SCEL: variants seen among roughly 807,000 people sequenced by gnomAD.
The protein encoded by SCEL is sciellin.
Under a neutral mutation model 117.6 loss-of-function variants are expected in SCEL, and 113 were observed. The observed-to-expected ratio is 0.96, with a 90% CI of 0.83 to 1.12. The LOEUF is 1.12. Among genes scored for constraint, SCEL ranks in the 50% most tolerant of loss-of-function variants. SCEL has a pLI of 0.00. For synonymous variants in SCEL, 270 were observed against 256.2 expected (o/e 1.05, Z -0.51); for missense variants, 785 against 810.8 (o/e 0.97, Z 0.39).
chr13:77,625,897 A>G (rs2089705556), intron 27 of SCEL, among the ~76,000 whole-genome samples: 1 of 152,192 alleles, frequency 6.6e-6, no homozygotes, highest in African/African-American at 2.4e-5. Flanking sequence ...ACAATTTAGG[A>G]CAGAAATAAA....
At chr13:77,541,674 A>G (rs1460425483) in intron 1 of SCEL, among the ~76,000 whole-genome samples, 3 of 152,234 alleles carry the variant, frequency 2.0e-5, no homozygotes, top group African/African-American at 7.2e-5. Flanking sequence ...AAACCCTGGA[A>G]GAAAATTACA....
At position 77,617,829 on chromosome 13, in the gene SCEL, A is replaced by C; in HGVS notation, c.1538A>C (p.Lys513Thr). 1.2e-6 allele frequency: 2 copies of C among 1,611,692 alleles called. No homozygotes were observed. Among genetic ancestry groups the C allele is most frequent in the Non-Finnish European group, 8.5e-7 (1 of 1,178,566 alleles). The change falls in exon 26 of 33, where the codon AAA becomes ACA. Residue 513 changes from lysine to threonine, a missense_variant. Transcript: ENST00000349847. ...AACCAAGATCTTGCTAACCTCATCA[A>C]AGTAAATCCTGCAGTAATCAGAAAC... is the stretch of plus-strand genomic sequence containing the variant. ...QRNQDLANLI[K>T]VNPAVIRNNQ...
intron 1 of SCEL, among the ~76,000 whole-genome samples, chr13:77,544,632 G>A (rs899481900): frequency 1.3e-5 from 2 of 152,172 alleles, no homozygotes; most frequent in African/African-American, 4.8e-5. Flanking sequence ...TGGGCTGGTG[G>A]GAGGAGTGGC....
chr13:77,618,424 C>G (rs190862392), intron 27 of SCEL, among the ~76,000 whole-genome samples: 2 of 152,116 alleles, frequency 1.3e-5, no homozygotes, highest in Non-Finnish European at 2.9e-5. Flanking sequence ...TCAGGCAGTC[C>G]TCCTGCCTCA....
At chr13:77,641,275 C>T (rs2090546179) in intron 31 of SCEL, among the ~76,000 whole-genome samples, 1 of 152,120 alleles carries the variant, frequency 6.6e-6, no homozygotes, top group Non-Finnish European at 1.5e-5. Flanking sequence ...ACTAATAAAG[C>T]TTTTATTAGT....
At chr13:77,579,124 C>A (rs766217219) in intron 9 of SCEL, among the ~76,000 whole-genome samples, 2 of 152,132 alleles carry the variant, frequency 1.3e-5, no homozygotes, top group African/African-American at 4.8e-5. Flanking sequence ...ACCAACCCAT[C>A]CTTCAAGAAG....
rs555037830 is a variant in SCEL at position 77,539,684 on chromosome 13, A to G, written c.-20+3860A>G. 7.9e-4 allele frequency among the ~76,000 whole-genome samples: 120 copies of G among 152,068 alleles called. 1 individual carries two copies. The highest frequency in any genetic ancestry group is 3.4e-3 in the Middle Eastern group (1 of 294). The stretch of plus-strand genomic sequence containing the variant: ...CGAATAGCTGGGACTACAGGCGCCC[A>G]CCACCACGCCCAGCTGATTTTTTGT... On this transcript the variant is annotated intron_variant, in intron 1 of 32. Transcript: ENST00000349847.
In SCEL at chr13:77,644,821, C is replaced by T. The variant is rs2090716150; in HGVS notation, c.*547C>T. On this transcript the variant is annotated 3_prime_UTR_variant, in exon 33 of 33. Transcript: ENST00000349847. ...GATCTCTGTCCTATTATTTGTAACA[C>T]AAGGGGCATTGGATAAAATGATTTC... 2 of 152,482 alleles carry T rather than the reference C, an allele frequency of 1.3e-5. No homozygotes were observed. Among genetic ancestry groups the T allele is most frequent in the South Asian group, 2.1e-4 (1 of 4,852 alleles). 9.4% of individuals were successfully genotyped at this position (152,482 alleles called of 1,614,324 possible).
At chr13:77,622,568 G>A (rs1194725183) in intron 27 of SCEL, among the ~76,000 whole-genome samples, 1 of 152,122 alleles carries the variant, frequency 6.6e-6, no homozygotes, top group Non-Finnish European at 1.5e-5. Context: ...ATATTCTGCA[G>A]TCTACATTTT....
At chr13:77,624,655 A>G (rs982031584) in intron 27 of SCEL, among the ~76,000 whole-genome samples, 2 of 152,208 alleles carry the variant, frequency 1.3e-5, no homozygotes, top group East Asian at 1.9e-4. Flanking sequence ...GCAAAAAGGA[A>G]AGAAATATAA....
At chr13:77,543,929 C>G (rs1389191547) in intron 1 of SCEL, among the ~76,000 whole-genome samples, 1 of 152,168 alleles carries the variant, frequency 6.6e-6, no homozygotes, top group African/African-American at 2.4e-5. Flanking sequence ...CTCAGGCAAA[C>G]TACTCATCTT....
intron 27 of SCEL, among the ~76,000 whole-genome samples, chr13:77,620,702 T>G (rs764502997): frequency 6.6e-6 from 1 of 152,198 alleles, no homozygotes; most frequent in African/African-American, 2.4e-5. Context: ...TTAGACTGAT[T>G]ATTAAAATGC....
At chr13:77,597,727 C>A in intron 13 of SCEL, 138 bp downstream of exon 13, 1 of 477,646 alleles carries the variant, frequency 2.1e-6, no homozygotes, top group Non-Finnish European at 3.7e-6. Flanking sequence ...AAGCTTGCAG[C>A]AATCATCATC....
Position 77,637,251 on chromosome 13 carries a change from C to CACAT in SCEL, c.1838+58_1838+59insCATA, listed in dbSNP as rs1456304701. The CACAT allele has an allele frequency of 9.1e-4, 376 of 412,008 alleles. 1 individual carries two copies. The highest frequency in any genetic ancestry group is 4.4e-3 in the East Asian group (88 of 20,222). The allele number at this position is 412,008 out of a possible 1,614,324, so 25.5% of individuals were successfully genotyped here. ...GTACACACATACAGACACACACACA[C>CACAT]ATATATATATATATATACACACACA... On this transcript the variant is annotated intron_variant, in intron 30 of 32. Transcript: ENST00000349847.
chr13:77,587,696 G>A (rs1269198126), intron 9 of SCEL, among the ~76,000 whole-genome samples: 2 of 152,082 alleles, frequency 1.3e-5, no homozygotes, highest in African/African-American at 2.4e-5. Context: ...TTTCTCGCTT[G>A]GCTTCTGGGA....
chr13:77,590,300 A>G (rs2086795924), intron 10 of SCEL, among the ~76,000 whole-genome samples: 1 of 152,136 alleles, frequency 6.6e-6, no homozygotes, highest in South Asian at 2.1e-4. Context: ...TGTCCATAGG[A>G]TGAGAGCATA....
At position 77,642,585 on chromosome 13, in the gene SCEL, G is replaced by C. The variant is rs1248499272; in HGVS notation, c.1948-121G>C. On this transcript the variant is annotated intron_variant, in intron 31 of 32. Transcript: ENST00000349847. ...TATCTACTCCACTGTGAGTGAAGTA[G>C]AAAACTTCAGTGATAAACATCCCTT... The C allele has an allele frequency of 1.1e-4, 63 of 548,550 alleles. 1 individual carries two copies. In the East Asian group the frequency reaches 1.9e-3, roughly 16 times the overall value. 34.0% of individuals were successfully genotyped at this position (548,550 alleles called of 1,614,324 possible).
intron 28 of SCEL, among the ~76,000 whole-genome samples, 183 bp downstream of exon 28, chr13:77,628,192 C>A (rs73231007): frequency 0.18 from 24,279 of 134,048 alleles, 2,316 homozygotes; most frequent in East Asian, 0.48. Flanking sequence ...ATATATATAT[C>A]ATCCAAATAC....
intron 27 of SCEL, among the ~76,000 whole-genome samples, chr13:77,621,416 C>T (rs1231298090): frequency 1.3e-5 from 2 of 152,190 alleles, no homozygotes; most frequent in Non-Finnish European, 2.9e-5. Flanking sequence ...TGGCTAACTT[C>T]TACTTATCCT....
Sources: allele counts gnomAD v4.1 joint callset (sites outside exome capture counted in the v4.1 genomes callset), GRCh38; gene constraint gnomAD v4.1.1; transcripts MANE v1.5; gene names NCBI Gene and HGNC (gene_info 2026-07-23, HGNC 2026-07-21).